Variants in PLCL1 observed in about 807,000 individuals in gnomAD.
PLCL1 encodes the protein phospholipase C like 1 (inactive), also known as inactive phospholipase C-like protein 1.
In PLCL1, 41 loss-of-function variants were observed where a neutral mutation model predicts 84.4. That is an observed-to-expected ratio of 0.49 (90% CI 0.38 to 0.63). The LOEUF (loss-of-function observed/expected upper bound fraction) is 0.63, where lower values mean the gene tolerates loss of function less well. Ranked by LOEUF, PLCL1 falls within the 30% of genes least tolerant of loss-of-function variation. The pLI, the probability that PLCL1 is intolerant of heterozygous loss-of-function variation, is 0.00. For synonymous variants in PLCL1, 490 were observed against 488.3 expected (o/e 1.00, Z -0.05); for missense variants, 1,206 against 1,367.8 (o/e 0.88, Z 1.87).
At chr2:197,850,113 G>T (rs933375041) in intron 1 of PLCL1, among the ~76,000 whole-genome samples, 12 of 150,968 alleles carry the variant, frequency 7.9e-5, no homozygotes, top group African/African-American at 2.9e-4. Context: ...CAGTCACCAG[G>T]TAGTGGTATG....
intron 1 of PLCL1, among the ~76,000 whole-genome samples, chr2:197,940,713 A>T (rs530575174): frequency 6.6e-6 from 1 of 152,326 alleles, no homozygotes; most frequent in East Asian, 1.9e-4. Flanking sequence ...CAGTATTATT[A>T]TTTCAATGAC....
At chr2:197,852,501 A>G (rs1431739026) in intron 1 of PLCL1, among the ~76,000 whole-genome samples, 1 of 152,232 alleles carries the variant, frequency 6.6e-6, no homozygotes, top group East Asian at 1.9e-4. Context: ...TTTATTGTAG[A>G]TTAAAGGAGG....
intron 3 of PLCL1, among the ~76,000 whole-genome samples, chr2:198,100,656 TTG>T (rs1553518261): frequency 1.3e-5 from 2 of 151,984 alleles, no homozygotes; most frequent in Non-Finnish European, 2.9e-5. Flanking sequence ...TACTGTAGTT[TTG>T]GATGATGATT....
intron 1 of PLCL1, among the ~76,000 whole-genome samples, chr2:198,046,927 A>G (rs1321546363): frequency 7.9e-5 from 12 of 152,236 alleles, no homozygotes. Context: ...TAATGTGGTC[A>G]GAGTCAGAGT....
chr2:198,046,001 A>G (rs938719130), intron 1 of PLCL1, among the ~76,000 whole-genome samples: 1 of 152,202 alleles, frequency 6.6e-6, no homozygotes, highest in African/African-American at 2.4e-5. Flanking sequence ...AAAAAGGGTG[A>G]CTGGTGGGGG....
At chr2:197,933,403 A>G (rs1249683989) in intron 1 of PLCL1, among the ~76,000 whole-genome samples, 1 of 151,712 alleles carries the variant, frequency 6.6e-6, no homozygotes, top group Non-Finnish European at 1.5e-5. Flanking sequence ...AGCTGGGACT[A>G]CAGGCGCCTG....
At chr2:198,039,385 T>C (rs1220023147) in intron 1 of PLCL1, among the ~76,000 whole-genome samples, 1 of 152,210 alleles carries the variant, frequency 6.6e-6, no homozygotes, top group East Asian at 1.9e-4. Context: ...ATCTTATTCC[T>C]GTAGTTATCC....
At chr2:197,959,058 A>G (rs1297322135) in intron 1 of PLCL1, among the ~76,000 whole-genome samples, 3 of 152,060 alleles carry the variant, frequency 2.0e-5, no homozygotes, top group Non-Finnish European at 4.4e-5. Context: ...TAGAAAGGGA[A>G]TTAGAAAATT....
chr2:198,049,020 A>C (rs1305990335), intron 1 of PLCL1, among the ~76,000 whole-genome samples: 1 of 152,212 alleles, frequency 6.6e-6, no homozygotes, highest in Non-Finnish European at 1.5e-5. Flanking sequence ...TAAGGGTGGG[A>C]GAGTGATGGA....
At chr2:198,008,003 A>G (rs1320608132) in intron 1 of PLCL1, among the ~76,000 whole-genome samples, 1 of 152,096 alleles carries the variant, frequency 6.6e-6, no homozygotes, top group East Asian at 1.9e-4. Context: ...GTAACATAAC[A>G]TGATCATTAT....
At chr2:198,098,050 A>C (rs2105909781) in intron 3 of PLCL1, among the ~76,000 whole-genome samples, 1 of 152,308 alleles carries the variant, frequency 6.6e-6, no homozygotes, top group South Asian at 2.1e-4. Flanking sequence ...AAATGTACCA[A>C]GTTTAATAAG....
At chr2:197,901,103 A>G (rs1272326825) in intron 1 of PLCL1, among the ~76,000 whole-genome samples, 2 of 152,214 alleles carry the variant, frequency 1.3e-5, no homozygotes, top group Non-Finnish European at 2.9e-5. Flanking sequence ...TCAATAATAA[A>G]GATATGTGTT....
At chr2:197,865,096 T>A (rs1687504389) in intron 1 of PLCL1, among the ~76,000 whole-genome samples, 1 of 152,176 alleles carries the variant, frequency 6.6e-6, no homozygotes, top group South Asian at 2.1e-4. Flanking sequence ...ATCATCTTTT[T>A]ATAATTGAAG....
At chr2:198,036,776 A>G (rs992360496) in intron 1 of PLCL1, among the ~76,000 whole-genome samples, 1 of 152,212 alleles carries the variant, frequency 6.6e-6, no homozygotes, top group African/African-American at 2.4e-5. Context: ...TCTGCTACAC[A>G]CAGAGACCAT....
intron 1 of PLCL1, among the ~76,000 whole-genome samples, chr2:197,863,676 C>G (rs908293568): frequency 1.3e-5 from 2 of 152,106 alleles, no homozygotes; most frequent in African/African-American, 2.4e-5. Context: ...AATAGGTGAT[C>G]ATCTAATCAA....
chr2:197,832,046 G>A (rs2105656729), intron 1 of PLCL1, among the ~76,000 whole-genome samples: 1 of 152,246 alleles, frequency 6.6e-6, no homozygotes, highest in Admixed American at 6.5e-5. Flanking sequence ...GCTCACAGGA[G>A]AAAGTGGGGA....
chr2:197,922,880 C>T (rs1574950251), intron 1 of PLCL1, among the ~76,000 whole-genome samples: 2 of 132,384 alleles, frequency 1.5e-5, no homozygotes, highest in South Asian at 2.5e-4. Flanking sequence ...ACCTCCCAGA[C>T]GGGGCGGCTG....
intron 1 of PLCL1, among the ~76,000 whole-genome samples, chr2:197,999,286 C>T (rs965426113): frequency 1.3e-5 from 2 of 152,036 alleles, no homozygotes; most frequent in African/African-American, 4.8e-5. Context: ...ACGTAAACTG[C>T]CAGGATTGAA....
chr2:197,891,852 G>T (rs1268954074), intron 1 of PLCL1, among the ~76,000 whole-genome samples: 2 of 152,082 alleles, frequency 1.3e-5, no homozygotes, highest in East Asian at 1.9e-4. Flanking sequence ...GATAGTTCAG[G>T]GTTAGGATCT....
Sources: gnomAD v4.1 joint callset for allele counts (sites outside exome capture counted in the v4.1 genomes callset) on GRCh38, gnomAD v4.1.1 for gene constraint, MANE v1.5 for transcripts, NCBI Gene and HGNC (gene_info 2026-07-23, HGNC 2026-07-21) for gene names.